The following NALF1 variants were observed in gnomAD, a reference collection of about 807,000 sequenced individuals.
NALF1 encodes NALCN channel auxiliary factor 1.
NALF1 carries 3 observed loss-of-function variants against 48.4 expected under a neutral mutation model. That is an observed-to-expected ratio of 0.06 (90% CI 0.03 to 0.16). The LOEUF is 0.16. Among genes scored for constraint, NALF1 ranks in the 10% least tolerant of loss-of-function variants. The pLI is 1.00. For missense variants in NALF1, 526 were observed against 571.5 expected, an observed-to-expected ratio of 0.92 and a Z score of 0.81; for synonymous variants, 262 against 245.7, an observed-to-expected ratio of 1.07 and a Z score of -0.62.
At chr13:107,485,510 A>G (rs1885315579) in intron 1 of NALF1, among the ~76,000 whole-genome samples, 1 of 152,116 alleles carries the variant, frequency 6.6e-6, no homozygotes, top group Non-Finnish European at 1.5e-5. Context: ...CATCAATTAT[A>G]TCCATTCCCC....
intron 1 of NALF1, among the ~76,000 whole-genome samples, chr13:107,861,234 A>G (rs1344668865): frequency 6.6e-6 from 1 of 152,234 alleles, no homozygotes; most frequent in Non-Finnish European, 1.5e-5. Flanking sequence ...AAAAATACAT[A>G]TAACTATCAT....
chr13:107,542,540 G>A (rs1214760290), intron 1 of NALF1, among the ~76,000 whole-genome samples: 1 of 152,038 alleles, frequency 6.6e-6, no homozygotes, highest in Non-Finnish European at 1.5e-5. Flanking sequence ...AGTTGAATCA[G>A]ATATGATCCA....
At chr13:107,370,797 T>C (rs1216835684) in intron 1 of NALF1, among the ~76,000 whole-genome samples, 1 of 152,164 alleles carries the variant, frequency 6.6e-6, no homozygotes, top group Non-Finnish European at 1.5e-5. Context: ...TAAGGAAACT[T>C]ATAATCATGG....
intron 1 of NALF1, among the ~76,000 whole-genome samples, chr13:107,485,513 C>T (rs1164199372): frequency 2.0e-5 from 3 of 152,116 alleles, no homozygotes; most frequent in Non-Finnish European, 4.4e-5. Context: ...CAATTATATC[C>T]ATTCCCCACA....
chr13:107,240,610 C>T (rs762513803), intron 1 of NALF1, among the ~76,000 whole-genome samples: 7 of 152,126 alleles, frequency 4.6e-5, no homozygotes, highest in South Asian at 2.1e-4. Flanking sequence ...AACTATAAAA[C>T]GTGCTTTAGA....
At chr13:107,622,967 C>A (rs1159323149) in intron 1 of NALF1, among the ~76,000 whole-genome samples, 1 of 152,134 alleles carries the variant, frequency 6.6e-6, no homozygotes, top group Non-Finnish European at 1.5e-5. Flanking sequence ...AGCTATTAAA[C>A]AAACCTGCTT....
At chr13:107,300,531 G>A (rs940594728) in intron 1 of NALF1, among the ~76,000 whole-genome samples, 13 of 152,118 alleles carry the variant, frequency 8.5e-5, no homozygotes, top group Admixed American at 8.5e-4. Flanking sequence ...TACTTTACAA[G>A]TATACTTGTT....
chr13:107,267,135 C>G (rs1199591029), intron 1 of NALF1, among the ~76,000 whole-genome samples: 4 of 152,218 alleles, frequency 2.6e-5, no homozygotes, highest in African/African-American at 9.6e-5. Context: ...TCCCCTCCAC[C>G]ATGCTTTGTG....
intron 1 of NALF1, among the ~76,000 whole-genome samples, chr13:107,264,796 T>C (rs943761402): frequency 6.6e-6 from 1 of 152,238 alleles, no homozygotes; most frequent in Non-Finnish European, 1.5e-5. Flanking sequence ...AATTTGCTTT[T>C]TGGATTGATG....
chr13:107,764,333 C>G (rs17445433), intron 1 of NALF1, among the ~76,000 whole-genome samples: 1 of 151,828 alleles, frequency 6.6e-6, no homozygotes, highest in Non-Finnish European at 1.5e-5. Context: ...TGTTTGTATA[C>G]GTGATGTTGC....
chr13:107,340,683 C>T (rs932912232), intron 1 of NALF1, among the ~76,000 whole-genome samples: 2 of 152,026 alleles, frequency 1.3e-5, no homozygotes, highest in South Asian at 2.1e-4. Context: ...TCCACTGTCT[C>T]CTTTTCATTT....
intron 1 of NALF1, among the ~76,000 whole-genome samples, chr13:107,285,506 T>C (rs912818457): frequency 6.6e-6 from 1 of 152,202 alleles, no homozygotes; most frequent in Non-Finnish European, 1.5e-5. Flanking sequence ...TTCCAACAAA[T>C]GAAAACCCAC....
In NALF1 at chr13:107,169,169, G is replaced by T. The variant is rs993918037; in HGVS notation, c.*1328C>A. On this transcript the variant is annotated 3_prime_UTR_variant, in exon 3 of 3. Coordinates refer to ENST00000375915, the MANE Select transcript of NALF1 (RefSeq NM_001080396.3). The stretch of plus-strand genomic sequence containing the variant: ...TCTTTTCCTCAACTACCTAGAGCAT[G>T]TTAGAGTGATAAAGTTTTTGCACGT... 4 of 152,420 alleles carry T rather than the reference G, an allele frequency of 2.6e-5. No individual in the cohort carries two copies. The highest frequency in any genetic ancestry group is 2.9e-5 in the Non-Finnish European group (2 of 68,020). 9.4% of individuals were successfully genotyped at this position (152,420 alleles called of 1,614,324 possible). A position where few individuals can be genotyped will look rare whatever the true frequency, so the allele number is the denominator to read the frequency against.
chr13:107,754,801 C>T (rs1166785561), intron 1 of NALF1, among the ~76,000 whole-genome samples: 2 of 151,790 alleles, frequency 1.3e-5, no homozygotes, highest in Admixed American at 1.3e-4. Flanking sequence ...ATACTTCCAT[C>T]CACTAACACT....
chr13:107,272,324 C>A lies in NALF1; in HGVS notation c.916-61569G>T, dbSNP rs1325872789. Among the ~76,000 whole-genome samples, 3 of 59,244 alleles carry A rather than the reference C, an allele frequency of 5.1e-5. 1 individual carries two copies. In the East Asian group the frequency reaches 1.4e-3, roughly 28 times the overall value. 38.9% of individuals were successfully genotyped at this position (59,244 alleles called of 152,430 possible). On this transcript the variant is annotated intron_variant, in intron 1 of 2. Coordinates refer to ENST00000375915, the MANE Select transcript of NALF1 (RefSeq NM_001080396.3). ...CCGCTTCCCGGGTTCACGCCATTCT[C>A]CTGCCTCAGCCTCCCGAGTAGCTGG...
chr13:107,519,161 A>C (rs1370245456), intron 1 of NALF1, among the ~76,000 whole-genome samples: 1 of 152,180 alleles, frequency 6.6e-6, no homozygotes. Flanking sequence ...CAACTTACAG[A>C]ATTAAAAAAA....
intron 1 of NALF1, among the ~76,000 whole-genome samples, chr13:107,230,783 G>C (rs1488063689): frequency 6.6e-6 from 1 of 152,126 alleles, no homozygotes; most frequent in African/African-American, 2.4e-5. Flanking sequence ...TGTTAAGCCA[G>C]GTTTAGTGGC....
rs114551455 is a variant in NALF1 at position 107,839,070 on chromosome 13, C to T, written c.915+26612G>A. 2.3e-3 allele frequency among the ~76,000 whole-genome samples: 347 copies of T among 152,072 alleles called. 2 individuals carry two copies. The highest frequency in any genetic ancestry group is 7.9e-3 in the African/African-American group (328 of 41,480). On this transcript the variant is annotated intron_variant, in intron 1 of 2. Coordinates refer to ENST00000375915, the MANE Select transcript of NALF1 (RefSeq NM_001080396.3). The stretch of plus-strand genomic sequence containing the variant: ...CAGTGAGGATACATGGTGACCTCCT[C>T]CACCCTGAATTAAACTAATAATTTC...
intron 1 of NALF1, among the ~76,000 whole-genome samples, chr13:107,514,522 T>C (rs1333729358): frequency 2.0e-5 from 3 of 152,094 alleles, no homozygotes; most frequent in African/African-American, 4.8e-5. Context: ...TGGGCCCAGG[T>C]TTGAAGGCCA....
Sources: allele counts gnomAD v4.1 joint callset (sites outside exome capture counted in the v4.1 genomes callset), GRCh38; gene constraint gnomAD v4.1.1; transcripts MANE v1.5; gene names NCBI Gene and HGNC (gene_info 2026-07-23, HGNC 2026-07-21).